RBMS3: variants seen among roughly 807,000 people sequenced by gnomAD.
The protein encoded by RBMS3 is RNA binding motif single stranded interacting protein 3.
RBMS3 carries 27 observed loss-of-function variants against 66.8 expected under a neutral mutation model. The ratio of observed to expected loss-of-function variants is 0.40; its 90% CI spans 0.30 to 0.56. RBMS3 has a LOEUF of 0.56. Among genes scored for constraint, RBMS3 ranks in the 20% least tolerant of loss-of-function variants. The pLI, the probability that RBMS3 is intolerant of heterozygous loss-of-function variation, is 0.40. For missense variants in RBMS3, 513 were observed against 549.5 expected, an observed-to-expected ratio of 0.93 and a Z score of 0.66; for synonymous variants, 188 against 183.0, an observed-to-expected ratio of 1.03 and a Z score of -0.22.
At chr3:29,564,465 G>A (rs1447321460) in intron 3 of RBMS3, among the ~76,000 whole-genome samples, 2 of 146,264 alleles carry the variant, frequency 1.4e-5, no homozygotes, top group African/African-American at 2.5e-5. Context: ...CAGCCTGGGC[G>A]ACAAGAGCAA....
At chr3:29,850,861 G>C (rs1393390846) in intron 6 of RBMS3, among the ~76,000 whole-genome samples, 1 of 152,156 alleles carries the variant, frequency 6.6e-6, no homozygotes, top group Non-Finnish European at 1.5e-5. Context: ...GAAAGGGATC[G>C]AGAAAGGATC....
chr3:29,374,967 C>T (rs2038390374), intron 1 of RBMS3, among the ~76,000 whole-genome samples: 1 of 152,036 alleles, frequency 6.6e-6, no homozygotes, highest in African/African-American at 2.4e-5. Flanking sequence ...AATTGGCTTT[C>T]CGCTACAGTA....
intron 12 of RBMS3, among the ~76,000 whole-genome samples, chr3:29,954,138 T>G (rs1695871680): frequency 8.0e-6 from 1 of 124,496 alleles, no homozygotes; most frequent in Non-Finnish European, 1.8e-5. Context: ...GCCTCAAGAT[T>G]CTCATGGTGC....
intron 6 of RBMS3, among the ~76,000 whole-genome samples, chr3:29,867,117 A>G (rs1223008400): frequency 6.6e-6 from 1 of 152,104 alleles, no homozygotes; most frequent in East Asian, 1.9e-4. Flanking sequence ...TCAAATATTT[A>G]TTTTTAGGTA....
At chr3:29,607,871 G>T (rs189207610) in intron 4 of RBMS3, among the ~76,000 whole-genome samples, 4 of 151,770 alleles carry the variant, frequency 2.6e-5, no homozygotes, top group African/African-American at 4.8e-5. Flanking sequence ...ATTCTTTGCT[G>T]CTAGTCTTAA....
intron 4 of RBMS3, among the ~76,000 whole-genome samples, chr3:29,607,964 T>A (rs1455935808): frequency 1.3e-5 from 2 of 151,966 alleles, no homozygotes; most frequent in South Asian, 4.1e-4. Flanking sequence ...TTATGAAACA[T>A]ACACAAAAGC....
intron 12 of RBMS3, among the ~76,000 whole-genome samples, chr3:29,960,863 G>A (rs1696385812): frequency 6.6e-6 from 1 of 152,040 alleles, no homozygotes; most frequent in Admixed American, 6.6e-5. Flanking sequence ...AAGGGACCCT[G>A]GGCCTGGTTC....
chr3:29,440,388 T>A (rs2041573076), intron 2 of RBMS3, among the ~76,000 whole-genome samples: 1 of 152,150 alleles, frequency 6.6e-6, no homozygotes, highest in African/African-American at 2.4e-5. Context: ...TGTTTTTCTA[T>A]TATAAAGTAA....
intron 2 of RBMS3, among the ~76,000 whole-genome samples, chr3:29,475,122 A>T (rs1365550200): frequency 6.6e-6 from 1 of 152,230 alleles, no homozygotes; most frequent in Non-Finnish European, 1.5e-5. Flanking sequence ...ATTAAGGTTT[A>T]TTATGGTATA....
chr3:29,467,304 T>C (rs1014582322), intron 2 of RBMS3, among the ~76,000 whole-genome samples: 1 of 152,302 alleles, frequency 6.6e-6, no homozygotes, highest in African/African-American at 2.4e-5. Context: ...TCAGTTTTAG[T>C]AATTGCAGGG....
At chr3:29,561,741 A>G (rs1288182137) in intron 3 of RBMS3, among the ~76,000 whole-genome samples, 1 of 152,056 alleles carries the variant, frequency 6.6e-6, no homozygotes, top group Non-Finnish European at 1.5e-5. Context: ...ATGAGCCACC[A>G]TGCCTGGCCC....
At chr3:29,715,538 C>T (rs2053358075) in intron 4 of RBMS3, among the ~76,000 whole-genome samples, 1 of 152,134 alleles carries the variant, frequency 6.6e-6, no homozygotes, top group Non-Finnish European at 1.5e-5. Context: ...AGTGCTTACT[C>T]TCTTCCAACC....
At chr3:29,334,201 T>C (rs1356237492) in intron 1 of RBMS3, among the ~76,000 whole-genome samples, 2 of 152,174 alleles carry the variant, frequency 1.3e-5, no homozygotes, top group Admixed American at 1.3e-4. Flanking sequence ...TGCATTAGCC[T>C]TTTGCTTTTA....
chr3:29,567,108 T>A (rs996210795), intron 3 of RBMS3, among the ~76,000 whole-genome samples: 24 of 152,168 alleles, frequency 1.6e-4, no homozygotes, highest in Admixed American at 5.2e-4. Flanking sequence ...AAAGTGACTA[T>A]TTCTTCATTG....
chr3:29,877,585 G>T (rs1373462361), intron 7 of RBMS3, among the ~76,000 whole-genome samples: 1 of 152,124 alleles, frequency 6.6e-6, no homozygotes, highest in Non-Finnish European at 1.5e-5. Flanking sequence ...CCCTATTTAT[G>T]ATCTTATTTG....
At chr3:29,473,346 C>T (rs1266936545) in intron 2 of RBMS3, among the ~76,000 whole-genome samples, 1 of 152,244 alleles carries the variant, frequency 6.6e-6, no homozygotes, top group Non-Finnish European at 1.5e-5. Flanking sequence ...ACCAGAGTAG[C>T]TAGATACAGA....
At chr3:29,764,679 T>A (rs1239192431) in intron 6 of RBMS3, among the ~76,000 whole-genome samples, 5 of 152,126 alleles carry the variant, frequency 3.3e-5, no homozygotes, top group Non-Finnish European at 7.4e-5. Context: ...CTTGCCCTGA[T>A]TGATTTGAAA....
chr3:29,587,004 A>C, intron 3 of RBMS3, 110 bp from the exon 4 acceptor site: 1 of 742,302 alleles, frequency 1.3e-6, no homozygotes, highest in Non-Finnish European at 2.2e-6. Context: ...AACCAGGGTA[A>C]TATGTCAGAA....
chr3:29,707,226 G>T (rs932344239), intron 4 of RBMS3, among the ~76,000 whole-genome samples: 2 of 152,166 alleles, frequency 1.3e-5, no homozygotes, highest in African/African-American at 4.8e-5. Flanking sequence ...ACTTTAGATA[G>T]ATTATGCCAA....
Sources: allele counts gnomAD v4.1 joint callset (sites outside exome capture counted in the v4.1 genomes callset), GRCh38; gene constraint gnomAD v4.1.1; transcripts MANE v1.5; gene names NCBI Gene and HGNC (gene_info 2026-07-23, HGNC 2026-07-21).